The following DSCAM variants were observed in gnomAD, a reference collection of about 807,000 sequenced individuals.
The protein encoded by DSCAM is DS cell adhesion molecule.
Under a neutral mutation model 217.7 loss-of-function variants are expected in DSCAM, and 47 were observed. The ratio of observed to expected loss-of-function variants is 0.22; its 90% CI spans 0.17 to 0.28. The LOEUF (loss-of-function observed/expected upper bound fraction) is 0.28. Among genes scored for constraint, DSCAM ranks in the 10% least tolerant of loss-of-function variants. DSCAM has a pLI of 1.00. For synonymous variants in DSCAM, 1,056 were observed against 1,015.3 expected, an observed-to-expected ratio of 1.04 and a Z score of -0.76; for missense variants, 2,080 against 2,618.3, an observed-to-expected ratio of 0.79 and a Z score of 4.49.
At chr21:40,723,352 T>A (rs1183709113) in intron 1 of DSCAM, among the ~76,000 whole-genome samples, 1 of 152,174 alleles carries the variant, frequency 6.6e-6, no homozygotes, top group African/African-American at 2.4e-5. Flanking sequence ...TCCAATTAAC[T>A]CCTACTCATT....
chr21:40,104,622 G>A lies in DSCAM; in HGVS notation c.3697-10748C>T, dbSNP rs115359841. On this transcript the variant is annotated intron_variant, in intron 20 of 32. Transcript: ENST00000400454. ...ACTTCTGCATGATGCTATAATGGTG[G>A]ATCCATGTCATCAAACATTTGTCCA... Among the ~76,000 whole-genome samples the A allele has an allele frequency of 7.1e-3, 1,080 of 152,248 alleles. 6 individuals are homozygous for A. The highest frequency in any genetic ancestry group is 0.015 in the South Asian group (70 of 4,812).
At chr21:40,801,005 G>T (rs1480678798) in intron 1 of DSCAM, among the ~76,000 whole-genome samples, 1 of 145,056 alleles carries the variant, frequency 6.9e-6, no homozygotes, top group African/African-American at 2.5e-5. Context: ...AGGCTGGAGT[G>T]CAGTGGCTTG....
At chr21:40,021,404 C>G (rs1049904137) in intron 32 of DSCAM, among the ~76,000 whole-genome samples, 3 of 152,002 alleles carry the variant, frequency 2.0e-5, no homozygotes, top group African/African-American at 7.2e-5. Flanking sequence ...CCACTTTGAA[C>G]GGCCCTTGTG....
intron 3 of DSCAM, among the ~76,000 whole-genome samples, chr21:40,550,087 C>A (rs554539586): frequency 6.6e-6 from 1 of 152,120 alleles, no homozygotes; most frequent in Non-Finnish European, 1.5e-5. Context: ...AGGAAATGTC[C>A]GATATCACCC....
chr21:40,018,857 AGT>A (rs2088212008), intron 32 of DSCAM, among the ~76,000 whole-genome samples: 1 of 152,236 alleles, frequency 6.6e-6, no homozygotes, highest in Non-Finnish European at 1.5e-5. Flanking sequence ...AGGTCTGACA[AGT>A]ATCTCTGAAT....
chr21:40,103,168 T>C (rs1938049282), intron 20 of DSCAM, among the ~76,000 whole-genome samples: 1 of 152,250 alleles, frequency 6.6e-6, no homozygotes, highest in South Asian at 2.1e-4. Flanking sequence ...CTGTCTGATA[T>C]AAAAGGAATT....
chr21:40,477,953 T>C (rs1282821943), intron 3 of DSCAM, among the ~76,000 whole-genome samples: 1 of 152,062 alleles, frequency 6.6e-6, no homozygotes, highest in East Asian at 1.9e-4. Context: ...CACATTTAGG[T>C]AGAGAAAAAA....
rs551976558 is a variant in DSCAM, at chr21:40,443,316, C to T, written c.509-74071G>A. 5.9e-5 allele frequency among the ~76,000 whole-genome samples: 9 copies of T among 152,276 alleles called. No homozygotes were observed. The South Asian group carries it at 1.5e-3, about 25-fold the overall frequency. On this transcript the variant is annotated intron_variant, in intron 3 of 32. Coordinates refer to ENST00000400454, the MANE Select transcript of DSCAM (RefSeq NM_001389.5). ...CTACTTGGTAGATCCATTTATGCTG[C>T]AGTAGAGTGTCAATAAAGACGTTGA...
At position 40,144,123 on chromosome 21, in the gene DSCAM, A is replaced by G. The variant is rs1191577124; in HGVS notation, c.3259+368T>C. Among the ~76,000 whole-genome samples the G allele has an allele frequency of 2.6e-5, 4 of 152,204 alleles. No individual in the cohort carries two copies. The highest frequency in any genetic ancestry group is 5.9e-5 in the Non-Finnish European group (4 of 68,026). On this transcript the variant is annotated intron_variant, in intron 17 of 32. Transcript: ENST00000400454. This position sits in a 1 kb window ranked among gnomAD's most constrained non-coding sequence, Gnocchi z 4.8. ...ATGAAAAATAAAATAAATTTTAAAA[A>G]ACCTTCTTAACATTTGGGAGAAAGT...
At chr21:40,056,131 C>T (rs925533319) in intron 28 of DSCAM, among the ~76,000 whole-genome samples, 1 of 152,016 alleles carries the variant, frequency 6.6e-6, no homozygotes. Context: ...TGTGTAAATG[C>T]TAAATGAAAC....
chr21:40,751,824 C>G (rs2091232286), intron 1 of DSCAM, among the ~76,000 whole-genome samples: 1 of 151,828 alleles, frequency 6.6e-6, no homozygotes, highest in African/African-American at 2.4e-5. Context: ...TTTTAAAAGA[C>G]AAAAAAAGAC....
At chr21:40,372,779 G>A (rs2074911580) in intron 3 of DSCAM, among the ~76,000 whole-genome samples, 1 of 152,210 alleles carries the variant, frequency 6.6e-6, no homozygotes, top group African/African-American at 2.4e-5. Context: ...GACATATCAA[G>A]GCTTTTAGGA....
intron 16 of DSCAM, among the ~76,000 whole-genome samples, chr21:40,155,960 G>A (rs1413727474): frequency 6.6e-6 from 1 of 152,020 alleles, no homozygotes; most frequent in African/African-American, 2.4e-5. Flanking sequence ...CAAGCCAGGA[G>A]TCGCCCCAGC....
intron 3 of DSCAM, among the ~76,000 whole-genome samples, chr21:40,492,695 A>AGAAT (rs2076085809): frequency 6.6e-6 from 1 of 151,858 alleles, no homozygotes; most frequent in Non-Finnish European, 1.5e-5. Context: ...AAAAAAAGAA[A>AGAAT]GAATGAGAAA....
intron 3 of DSCAM, among the ~76,000 whole-genome samples, chr21:40,688,769 G>T (rs969076578): frequency 6.6e-6 from 1 of 152,212 alleles, no homozygotes; most frequent in Non-Finnish European, 1.5e-5. Context: ...GAAGAGCTCA[G>T]GCAGGCAGAA....
intron 11 of DSCAM, among the ~76,000 whole-genome samples, chr21:40,211,873 A>G (rs748564333): frequency 2.0e-5 from 3 of 151,648 alleles, no homozygotes; most frequent in Non-Finnish European, 4.4e-5. Flanking sequence ...TGATGTCTTA[A>G]TTGTGTAGAC....
At chr21:40,428,289 T>A (rs188435727) in intron 3 of DSCAM, among the ~76,000 whole-genome samples, 3,365 of 142,030 alleles carry the variant, frequency 0.024, 63 homozygotes, top group South Asian at 0.035. Flanking sequence ...TGTGTGTGTG[T>A]GATGGAGTTT....
chr21:40,042,644 C>CTTTTTAAATGA lies in DSCAM; in HGVS notation c.5412_5413insTCATTTAAAAA (p.Glu1805SerfsTer27). On this transcript the variant is annotated frameshift_variant, in exon 32 of 33. Coordinates refer to ENST00000400454, the MANE Select transcript of DSCAM (RefSeq NM_001389.5). LOFTEE classifies it high-confidence loss of function. ...TCTTCGTAAGTGGAGGAGGCACTTT[C>CTTTTTAAATGA]TGTGGAGACCATGCTGCTTCTTGCT... 6.2e-7 allele frequency: 1 copy of CTTTTTAAATGA among 1,608,982 alleles called. No individual in the cohort carries two copies.
intron 1 of DSCAM, among the ~76,000 whole-genome samples, chr21:40,810,731 T>C (rs1003070058): frequency 3.3e-5 from 5 of 152,030 alleles, no homozygotes; most frequent in Non-Finnish European, 5.9e-5. Flanking sequence ...CAAGACCCTA[T>C]CTCTACAAAA....
Sources: allele counts gnomAD v4.1 joint callset (sites outside exome capture counted in the v4.1 genomes callset), GRCh38; gene constraint gnomAD v4.1.1; non-coding constraint Gnocchi (gnomAD v3.1); transcripts MANE v1.5; gene names NCBI Gene and HGNC (gene_info 2026-07-23, HGNC 2026-07-21).